Variants in UGT1A10 observed in about 807,000 individuals in gnomAD.
The protein encoded by UGT1A10 is UDP glucuronosyltransferase family 1 member A10.
A neutral mutation model predicts 45.8 loss-of-function variants in UGT1A10; 49 were observed. That is an observed-to-expected ratio of 1.07 (90% CI 0.85 to 1.36). The LOEUF is 1.36. Ranked by LOEUF, UGT1A10 falls within the 40% of genes most tolerant of loss-of-function variation. The pLI is 0.00. For synonymous variants in UGT1A10, 284 were observed against 249.7 expected (o/e 1.14, Z -1.29); for missense variants, 745 against 668.6 (o/e 1.11, Z -1.26).
At position 233,700,669 on chromosome 2, in the gene UGT1A10, C is replaced by A. The variant is rs542466137; in HGVS notation, c.855+63292C>A. Among the ~76,000 whole-genome samples, 10 of 152,082 alleles carry A rather than the reference C, an allele frequency of 6.6e-5. No individual in the cohort carries two copies. In the East Asian group the frequency reaches 1.9e-3, roughly 29 times the overall value. On this transcript the variant is annotated intron_variant, in intron 1 of 4. Coordinates refer to ENST00000344644, the MANE Select transcript of UGT1A10 (RefSeq NM_019075.4). ...GTTTACATATTTCTACTTTTCAGCA[C>A]AAATTCGTGATAATATATAAACTAC... is the stretch of plus-strand genomic sequence containing the variant.
At position 233,637,066 on chromosome 2, in the gene UGT1A10, C is replaced by T. The variant is rs1411797560; in HGVS notation, c.544C>T (p.Gln182Ter). The part of the protein sequence containing the change: ...IFCHHLEEGA[Q>*]CPAPLSYVPN... The stretch of plus-strand genomic sequence containing the variant: ...TTGCCACCATCTTGAAGAAGGTGCA[C>T]AGTGCCCTGCTCCTCTTTCCTATGT... Residue 182 changes from glutamine (Q) to a stop codon, truncating the protein, a stop_gained, in exon 1 of 5, where the codon CAG becomes TAG. Coordinates refer to ENST00000344644, the MANE Select transcript of UGT1A10 (RefSeq NM_019075.4). LOFTEE classifies it high-confidence loss of function. The T allele has an allele frequency of 1.2e-6, 2 of 1,613,810 alleles. No homozygotes were observed. Among genetic ancestry groups the T allele is most frequent in the Admixed American group, 3.3e-5 (2 of 59,980 alleles).
chr2:233,680,277 A>G (rs1422864555), intron 1 of UGT1A10, among the ~76,000 whole-genome samples: 1 of 152,208 alleles, frequency 6.6e-6, no homozygotes, highest in African/African-American at 2.4e-5. Context: ...CAGTAGAACC[A>G]TAAGAGATCA....
At chr2:233,747,277 G>A (rs1044373750) in intron 1 of UGT1A10, 304 of 1,599,338 alleles carry the variant, frequency 1.9e-4, no homozygotes, top group Non-Finnish European at 2.4e-4. Context: ...CCTTCTCAGT[G>A]CCCAGCCCTG....
rs1357541469 is a variant in UGT1A10, at chr2:233,682,278, A to G, written c.855+44901A>G. The G allele has an allele frequency of 8.7e-6, 14 of 1,614,140 alleles. No individual in the cohort carries two copies. In the Middle Eastern group the frequency reaches 4.9e-4, roughly 57 times the overall value. ...TTTTCTCTATTAACAAGTTCATCCA[A>G]TGGTATTTTTGACTTATTTTTTTCA... is the stretch of plus-strand genomic sequence containing the variant. On this transcript the variant is annotated intron_variant, in intron 1 of 4. Coordinates refer to ENST00000344644, the MANE Select transcript of UGT1A10 (RefSeq NM_019075.4).
rs143907483 is a variant in UGT1A10 at position 233,715,103 on chromosome 2, C to G, written c.856-51931C>G. 2.9e-3 allele frequency among the ~76,000 whole-genome samples: 442 copies of G among 152,202 alleles called. 2 individuals carry two copies. The highest frequency in any genetic ancestry group is 5.0e-3 in the Non-Finnish European group (340 of 68,020). On this transcript the variant is annotated intron_variant, in intron 1 of 4. Coordinates refer to ENST00000344644, the MANE Select transcript of UGT1A10 (RefSeq NM_019075.4). The stretch of plus-strand genomic sequence containing the variant: ...GTTTCATCATATTGGCCAGGCTGAT[C>G]TCAAATGCCTGATCTCAAGTGATTC...
chr2:233,668,390 C>G (rs920817336), intron 1 of UGT1A10, among the ~76,000 whole-genome samples: 1 of 152,114 alleles, frequency 6.6e-6, no homozygotes, highest in Non-Finnish European at 1.5e-5. Context: ...TGAACTCATC[C>G]TTTTTTATGG....
At chr2:233,706,317 T>G (rs947788693) in intron 1 of UGT1A10, among the ~76,000 whole-genome samples, 6 of 152,228 alleles carry the variant, frequency 3.9e-5, no homozygotes, top group African/African-American at 7.2e-5. Context: ...TAGTGCCTTT[T>G]GGAACTATTC....
At chr2:233,655,242 G>C (rs1317074264) in intron 1 of UGT1A10, among the ~76,000 whole-genome samples, 2 of 152,182 alleles carry the variant, frequency 1.3e-5, no homozygotes, top group African/African-American at 2.4e-5. Flanking sequence ...TCTATTATCA[G>C]CTACCTGTTT....
At chr2:233,679,919 A>G (rs572164677) in intron 1 of UGT1A10, among the ~76,000 whole-genome samples, 1 of 152,202 alleles carries the variant, frequency 6.6e-6, no homozygotes. Context: ...AATATGAGAC[A>G]AAAATGTATT....
chr2:233,748,656 G>A (rs1055285615), intron 1 of UGT1A10, among the ~76,000 whole-genome samples: 3 of 151,770 alleles, frequency 2.0e-5, no homozygotes, highest in African/African-American at 4.9e-5. Context: ...ACTGAGTTCA[G>A]TTTCCAGAGA....
intron 1 of UGT1A10, among the ~76,000 whole-genome samples, chr2:233,736,317 G>T (rs2078750401): frequency 6.6e-6 from 1 of 152,044 alleles, no homozygotes; most frequent in African/African-American, 2.4e-5. Flanking sequence ...ATTGAATTTT[G>T]TGCATGTGTT....
chr2:233,660,370 T>G (rs2073939493), intron 1 of UGT1A10, among the ~76,000 whole-genome samples: 1 of 152,194 alleles, frequency 6.6e-6, no homozygotes, highest in Non-Finnish European at 1.5e-5. Context: ...TGGAGACCAC[T>G]TTGGCTCCTT....
In UGT1A10 at chr2:233,702,349, G is replaced by GT. The variant is rs545005076; in HGVS notation, c.856-64676dup. 6.4e-4 allele frequency among the ~76,000 whole-genome samples: 97 copies of GT among 151,202 alleles called. No individual in the cohort carries two copies. In the South Asian group the frequency reaches 0.013, roughly 20 times the overall value. On this transcript the variant is annotated intron_variant, in intron 1 of 4. Coordinates refer to ENST00000344644, the MANE Select transcript of UGT1A10 (RefSeq NM_019075.4). ...CTGAACTTGTTTATTTGTTCTAATA[G>GT]TTTTTTTTTAGTGGATTTCGTAGGA... is the stretch of plus-strand genomic sequence containing the variant.
intron 1 of UGT1A10, among the ~76,000 whole-genome samples, chr2:233,674,931 G>A (rs1343916543): frequency 6.6e-6 from 1 of 152,200 alleles, no homozygotes; most frequent in Admixed American, 6.5e-5. Context: ...TCTGGGAAAA[G>A]CATGCAGTTG....
At chr2:233,721,847 C>T in intron 1 of UGT1A10, 2 of 514,910 alleles carry the variant, frequency 3.9e-6, no homozygotes, top group South Asian at 2.8e-5. Context: ...TGTGTCCAGC[C>T]CCACTGCTCG....
At chr2:233,672,509 GA>G (rs2074229421) in intron 1 of UGT1A10, 2 of 1,613,614 alleles carry the variant, frequency 1.2e-6, no homozygotes, top group Non-Finnish European at 1.7e-6. Flanking sequence ...TATGTCCCCA[GA>G]ATTCTCTTAG....
rs186063545 is a variant in UGT1A10 at position 233,691,746 on chromosome 2, C to T, written c.855+54369C>T. 6.9e-5 allele frequency: 40 copies of T among 577,626 alleles called. No individual in the cohort carries two copies. The East Asian group carries it at 5.4e-3, about 78-fold the overall frequency. The allele number at this position is 577,626 out of a possible 1,614,324, so 35.8% of individuals were successfully genotyped here. On this transcript the variant is annotated intron_variant, in intron 1 of 4. Transcript: ENST00000344644. The stretch of plus-strand genomic sequence containing the variant: ...GGCTGGGCCAGAAGCAGATACCAGG[C>T]TTTCTGACTCCTGCTCTAGGATTCT...
Position 233,729,304 on chromosome 2 carries a change from G to A in UGT1A10, c.856-37730G>A, listed in dbSNP as rs779287318. ...CCATGCCAGAGGCCACCAGGCAGTG[G>A]TCCTCACCCCAGAGGTGAATATGCA... is the stretch of plus-strand genomic sequence containing the variant. On this transcript the variant is annotated intron_variant, in intron 1 of 4. Transcript: ENST00000344644. 10 of 1,614,264 alleles carry A rather than the reference G, an allele frequency of 6.2e-6. No homozygotes were observed. In the South Asian group the frequency reaches 1.1e-4, roughly 18 times the overall value.
intron 1 of UGT1A10, among the ~76,000 whole-genome samples, chr2:233,686,553 A>T (rs577656065): frequency 6.6e-6 from 1 of 152,138 alleles, no homozygotes; most frequent in South Asian, 2.1e-4. Flanking sequence ...GGCTTTCTGA[A>T]ATCCCTGGTT....
Sources: allele counts gnomAD v4.1 joint callset (sites outside exome capture counted in the v4.1 genomes callset), GRCh38; gene constraint gnomAD v4.1.1; transcripts MANE v1.5; gene names NCBI Gene and HGNC (gene_info 2026-07-23, HGNC 2026-07-21).